The following NAA15 variants were observed in gnomAD, a reference collection of about 807,000 sequenced individuals.
NAA15 encodes N-terminal acetyltransferase.
A neutral mutation model predicts 114.0 loss-of-function variants in NAA15; 34 were observed. The ratio of observed to expected loss-of-function variants is 0.30; its 90% CI spans 0.23 to 0.40. The LOEUF (loss-of-function observed/expected upper bound fraction) is 0.40. NAA15 is among the 10% of genes least tolerant of loss of function. The pLI is 1.00. For missense variants in NAA15, 658 were observed against 1,004.5 expected, an observed-to-expected ratio of 0.66 and a Z score of 4.66; for synonymous variants, 340 against 338.0, an observed-to-expected ratio of 1.01 and a Z score of -0.06.
intron 1 of NAA15, among the ~76,000 whole-genome samples, chr4:139,321,658 T>C (rs28524663): frequency 1.4e-5 from 2 of 138,640 alleles, no homozygotes; most frequent in African/African-American, 5.2e-5. Context: ...TTTTTTTTTG[T>C]ATTTTTAGTA....
At chr4:139,371,230 TAG>T (rs1748426970) in intron 15 of NAA15, among the ~76,000 whole-genome samples, 1 of 152,118 alleles carries the variant, frequency 6.6e-6, no homozygotes, top group East Asian at 1.9e-4. Flanking sequence ...GCCAAACAAA[TAG>T]AGTTGGAGAA....
chr4:139,359,516 TTAAAA>T (rs1748068620), intron 11 of NAA15, among the ~76,000 whole-genome samples: 1 of 152,248 alleles, frequency 6.6e-6, no homozygotes, highest in Non-Finnish European at 1.5e-5. Context: ...GACAAAACTA[TTAAAA>T]TAAATCTTTA....
intron 1 of NAA15, among the ~76,000 whole-genome samples, chr4:139,332,575 T>G (rs1438947453): frequency 2.1e-5 from 2 of 94,894 alleles, no homozygotes; most frequent in African/African-American, 1.2e-4. Context: ...TTTGTATGTT[T>G]TTTTTTTTTT....
intron 1 of NAA15, among the ~76,000 whole-genome samples, chr4:139,315,001 T>TCAGGTCAGGTTAGGTTAGGTTAGGTTAGG: frequency 1.3e-5 from 1 of 74,356 alleles, no homozygotes; most frequent in Non-Finnish European, 2.5e-5. Context: ...TTCAGTTCAG[T>TCAGGTCAGGTTAGGTTAGGTTAGGTTAGG]TTAGTTTAGG....
chr4:139,348,664 A>T (rs1579113088), intron 6 of NAA15, among the ~76,000 whole-genome samples: 2 of 152,224 alleles, frequency 1.3e-5, no homozygotes, highest in Admixed American at 1.3e-4. Context: ...TGGAGCTCAT[A>T]TATAATAGTG....
intron 6 of NAA15, among the ~76,000 whole-genome samples, chr4:139,347,515 G>C (rs544375482): frequency 8.5e-5 from 13 of 152,266 alleles, no homozygotes; most frequent in African/African-American, 3.1e-4. Flanking sequence ...GCTTACATCT[G>C]TAGTCCCAGC....
chr4:139,348,275 G>A (rs554669479), intron 6 of NAA15, among the ~76,000 whole-genome samples: 1 of 152,026 alleles, frequency 6.6e-6, no homozygotes, highest in Non-Finnish European at 1.5e-5. Context: ...GCAAAATGGC[G>A]AAAACCCATC....
chr4:139,350,603 C>T (rs957325655), intron 7 of NAA15, among the ~76,000 whole-genome samples: 1 of 152,162 alleles, frequency 6.6e-6, no homozygotes, highest in African/African-American at 2.4e-5. Flanking sequence ...TTGAAATATA[C>T]AAGAGAAACC....
At position 139,306,339 on chromosome 4, in the gene NAA15, A is replaced by C. The variant is rs74901251; in HGVS notation, c.54+4508A>C. On this transcript the variant is annotated intron_variant, in intron 1 of 19. Coordinates refer to ENST00000296543, the MANE Select transcript of NAA15 (RefSeq NM_057175.5). ...ACTGCAACCTCCACCTCCTGGGTTC[A>C]TGCCTCAGCCTCCCAAGTAGCTGGG... 3.9e-3 allele frequency among the ~76,000 whole-genome samples: 587 copies of C among 151,860 alleles called. 4 individuals are homozygous for C. The highest frequency in any genetic ancestry group is 0.013 in the African/African-American group (542 of 41,416).
At chr4:139,341,937 G>C (rs1747414217) in intron 4 of NAA15, among the ~76,000 whole-genome samples, 1 of 151,998 alleles carries the variant, frequency 6.6e-6, no homozygotes, top group Non-Finnish European at 1.5e-5. Context: ...GCTCAGGCTG[G>C]TCTTGAACTC....
intron 1 of NAA15, among the ~76,000 whole-genome samples, chr4:139,307,977 T>C (rs79236503): frequency 5.9e-5 from 9 of 151,920 alleles, no homozygotes; most frequent in Non-Finnish European, 1.0e-4. Context: ...TATTATTATT[T>C]TTTTGAGACG....
chr4:139,322,842 C>T (rs986175579), intron 1 of NAA15, among the ~76,000 whole-genome samples: 1 of 151,898 alleles, frequency 6.6e-6, no homozygotes, highest in Non-Finnish European at 1.5e-5. Flanking sequence ...CAGGCATGCA[C>T]CACCATGCTT....
chr4:139,317,025 G>A (rs1448260850), intron 1 of NAA15, among the ~76,000 whole-genome samples: 1 of 151,664 alleles, frequency 6.6e-6, no homozygotes, highest in Non-Finnish European at 1.5e-5. Flanking sequence ...CTTCCCAGTA[G>A]CCATTGCTCT....
At chr4:139,369,732 C>A (rs192105927) in intron 14 of NAA15, among the ~76,000 whole-genome samples, 4 of 116,382 alleles carry the variant, frequency 3.4e-5, no homozygotes, top group Non-Finnish European at 5.1e-5. Flanking sequence ...AGTGAGACTC[C>A]GTCTCAAAAA....
rs752720962 is a variant in NAA15, at chr4:139,361,952, GTTC to G, written c.1753+21_1753+23del. 12 of 1,567,714 alleles carry G rather than the reference GTTC, an allele frequency of 7.7e-6. No individual in the cohort carries two copies. Among genetic ancestry groups the G allele is most frequent in the Admixed American group, 6.7e-5 (4 of 59,398 alleles). On this transcript the variant is annotated intron_variant, in intron 14 of 19. Transcript: ENST00000296543. ...AGCTGATACAGGTATAATATTCAGA[GTTC>G]TTCTTGTGCTCTGATGTGTTTATGT... is the stretch of plus-strand genomic sequence containing the variant.
At chr4:139,377,366 G>A (rs768507647) in intron 16 of NAA15, among the ~76,000 whole-genome samples, 1 of 151,858 alleles carries the variant, frequency 6.6e-6, no homozygotes, top group African/African-American at 2.4e-5. Context: ...GAGAAACCCC[G>A]TCTCTACTAA....
At chr4:139,359,442 C>A (rs896095934) in intron 11 of NAA15, among the ~76,000 whole-genome samples, 12 of 152,076 alleles carry the variant, frequency 7.9e-5, no homozygotes, top group Non-Finnish European at 1.5e-4. Flanking sequence ...TATTCTTTAA[C>A]AATTATTTTT....
At chr4:139,357,672 GAAGTAAC>G (rs1352658719) in intron 11 of NAA15, 117 bp downstream of exon 11, 1 of 680,032 alleles carries the variant, frequency 1.5e-6, no homozygotes, top group Non-Finnish European at 2.4e-6. Context: ...CAAAAAACAT[GAAGTAAC>G]AAGTATAGTA....
intron 14 of NAA15, among the ~76,000 whole-genome samples, chr4:139,364,815 A>C (rs1229834012): frequency 6.6e-6 from 1 of 152,148 alleles, no homozygotes; most frequent in Non-Finnish European, 1.5e-5. Flanking sequence ...TACTAGGTTG[A>C]ATCATTTTTC....
Sources: gnomAD v4.1 joint callset for allele counts (sites outside exome capture counted in the v4.1 genomes callset) on GRCh38, gnomAD v4.1.1 for gene constraint, MANE v1.5 for transcripts, NCBI Gene and HGNC (gene_info 2026-07-23, HGNC 2026-07-21) for gene names.